ARHGAP10: variants seen among roughly 807,000 people sequenced by gnomAD.
The protein encoded by ARHGAP10 is rho GTPase-activating protein 10.
Under a neutral mutation model 108.6 loss-of-function variants are expected in ARHGAP10, and 87 were observed. The observed-to-expected ratio is 0.80, with a 90% CI of 0.67 to 0.96. The LOEUF (loss-of-function observed/expected upper bound fraction) is 0.96. Among genes scored for constraint, ARHGAP10 ranks in the 40% least tolerant of loss-of-function variants. ARHGAP10 has a pLI of 0.00. For missense variants in ARHGAP10, 939 were observed against 954.5 expected (o/e 0.98, Z 0.21); for synonymous variants, 347 against 341.1 (o/e 1.02, Z -0.19).
chr4:147,880,335 A>G (rs1735273456), intron 9 of ARHGAP10, among the ~76,000 whole-genome samples: 1 of 152,252 alleles, frequency 6.6e-6, no homozygotes, highest in African/African-American at 2.4e-5. Context: ...TCCCTGAAAA[A>G]TATTTAAAGC....
chr4:147,885,510 A>G (rs1409557089), intron 10 of ARHGAP10, among the ~76,000 whole-genome samples: 2 of 152,208 alleles, frequency 1.3e-5, no homozygotes, highest in African/African-American at 2.4e-5. Context: ...GGGAGCTACA[A>G]TTCAAGTTGA....
At chr4:147,759,478 G>A (rs1329666041) in intron 1 of ARHGAP10, among the ~76,000 whole-genome samples, 1 of 152,102 alleles carries the variant, frequency 6.6e-6, no homozygotes, top group African/African-American at 2.4e-5. Context: ...GGAGGCTGAG[G>A]TGGGAGAATC....
At chr4:147,747,276 T>A (rs1157280377) in intron 1 of ARHGAP10, among the ~76,000 whole-genome samples, 6 of 152,174 alleles carry the variant, frequency 3.9e-5, no homozygotes, top group Non-Finnish European at 7.3e-5. Flanking sequence ...GGGAAGATTG[T>A]AGGACTTCCA....
intron 1 of ARHGAP10, among the ~76,000 whole-genome samples, chr4:147,821,090 G>A (rs1440265029): frequency 6.6e-6 from 1 of 152,082 alleles, no homozygotes. Flanking sequence ...CTGCTGCTGC[G>A]GCAACTATAC....
chr4:148,039,368 ATTTTTTTTTTTTTTT>A (rs34876546), intron 19 of ARHGAP10, among the ~76,000 whole-genome samples: 2 of 73,102 alleles, frequency 2.7e-5, no homozygotes, highest in Non-Finnish European at 5.2e-5. Context: ...TACTACTTCA[ATTTTTTTTTTTTTTT>A]TTTTTTTTTT....
At chr4:148,038,362 A>G (rs1728473311) in intron 19 of ARHGAP10, among the ~76,000 whole-genome samples, 1 of 152,204 alleles carries the variant, frequency 6.6e-6, no homozygotes, top group Non-Finnish European at 1.5e-5. Context: ...TATGTTTTAA[A>G]CAGGCTTATA....
rs141494700 is a variant in ARHGAP10, at chr4:148,017,423, C to T, written c.1717-5840C>T. Among the ~76,000 whole-genome samples, 3 of 152,166 alleles carry T rather than the reference C, an allele frequency of 2.0e-5. No homozygotes were observed. The East Asian group carries it at 5.8e-4, about 29-fold the overall frequency. On this transcript the variant is annotated intron_variant, in intron 18 of 22. Transcript: ENST00000336498. Reference sequence around the variant, plus strand: ...AACTAAACAAGTAAAACTATGTTTACCAGGTATAGACAGTACCTGATACCC... The same window carrying T: ...AACTAAACAAGTAAAACTATGTTTATCAGGTATAGACAGTACCTGATACCC...
At chr4:147,801,389 G>A (rs182833452) in intron 1 of ARHGAP10, among the ~76,000 whole-genome samples, 2 of 152,258 alleles carry the variant, frequency 1.3e-5, no homozygotes, top group African/African-American at 4.8e-5. Context: ...AACCATTGCT[G>A]TGCTGTAATG....
intron 18 of ARHGAP10, among the ~76,000 whole-genome samples, chr4:148,019,555 G>C (rs1741484020): frequency 6.6e-6 from 1 of 152,034 alleles, no homozygotes; most frequent in South Asian, 2.1e-4. Flanking sequence ...TTAGAGACCA[G>C]CCTAACCAAC....
At chr4:147,827,828 A>T (rs1303610795) in intron 3 of ARHGAP10, among the ~76,000 whole-genome samples, 2 of 151,926 alleles carry the variant, frequency 1.3e-5, no homozygotes, top group Non-Finnish European at 2.9e-5. Flanking sequence ...TGTTTTTGAG[A>T]TGGGGTCTCG....
At chr4:147,756,085 G>T (rs2126698661) in intron 1 of ARHGAP10, among the ~76,000 whole-genome samples, 1 of 148,824 alleles carries the variant, frequency 6.7e-6, no homozygotes, top group Admixed American at 6.7e-5. Context: ...TTTCCTCATG[G>T]TTGCAAGATG....
chr4:147,977,801 C>T (rs900966591), intron 18 of ARHGAP10, among the ~76,000 whole-genome samples: 1 of 152,026 alleles, frequency 6.6e-6, no homozygotes, highest in Non-Finnish European at 1.5e-5. Flanking sequence ...CCCTTTCTCT[C>T]TCTCTCCCCC....
At position 148,058,816 on chromosome 4, in the gene ARHGAP10, A is replaced by C. The variant is rs545265783; in HGVS notation, c.2028-4332A>C. Among the ~76,000 whole-genome samples the C allele has an allele frequency of 5.4e-4, 82 of 152,354 alleles. 1 individual carries two copies. In the South Asian group the frequency reaches 0.013, roughly 25 times the overall value. ...GGGTTTGGCCCCACTGCTGCACGTG[A>C]AAGCTACAAGGTCTTTCCCCGAAAT... On this transcript the variant is annotated intron_variant, in intron 20 of 22. Coordinates refer to ENST00000336498, the MANE Select transcript of ARHGAP10 (RefSeq NM_024605.4).
At chr4:147,811,601 A>T (rs1009712391) in intron 1 of ARHGAP10, among the ~76,000 whole-genome samples, 3 of 149,362 alleles carry the variant, frequency 2.0e-5, no homozygotes, top group African/African-American at 7.3e-5. Flanking sequence ...AAAAAAAAAA[A>T]ACAAAAAACA....
At chr4:147,750,767 A>C (rs1729108244) in intron 1 of ARHGAP10, among the ~76,000 whole-genome samples, 1 of 151,466 alleles carries the variant, frequency 6.6e-6, no homozygotes, top group Non-Finnish European at 1.5e-5. Flanking sequence ...ACGCCTGGCT[A>C]ATTTTTGTAT....
intron 17 of ARHGAP10, among the ~76,000 whole-genome samples, chr4:147,965,695 G>A (rs1739178826): frequency 6.6e-6 from 1 of 152,212 alleles, no homozygotes; most frequent in South Asian, 2.1e-4. Context: ...AGAAGATACT[G>A]TGATTTGCCA....
At chr4:147,868,713 A>C (rs1734672787) in intron 7 of ARHGAP10, among the ~76,000 whole-genome samples, 1 of 152,102 alleles carries the variant, frequency 6.6e-6, no homozygotes. Flanking sequence ...TTCGTGATGA[A>C]ACTTTTCCAC....
At chr4:147,932,654 C>T (rs115576182) in intron 13 of ARHGAP10, among the ~76,000 whole-genome samples, 1,017 of 26,490 alleles carry the variant, frequency 0.038, 10 homozygotes, top group African/African-American at 0.12. Flanking sequence ...TGTCAGAAGG[C>T]GGGGGTGGGA....
chr4:147,754,831 C>T (rs533972301), intron 1 of ARHGAP10, among the ~76,000 whole-genome samples: 2 of 152,240 alleles, frequency 1.3e-5, no homozygotes, highest in South Asian at 4.1e-4. Context: ...TGGTAGCTCA[C>T]GTCTGTAATC....
Sources: allele counts gnomAD v4.1 joint callset (sites outside exome capture counted in the v4.1 genomes callset), GRCh38; gene constraint gnomAD v4.1.1; transcripts MANE v1.5; gene names NCBI Gene and HGNC (gene_info 2026-07-23, HGNC 2026-07-21).